The following RBPJ variants were observed in gnomAD, a reference collection of about 807,000 sequenced individuals.
RBPJ encodes recombining binding protein suppressor of hairless.
Under a neutral mutation model 67.8 loss-of-function variants are expected in RBPJ, and 9 were observed. The observed-to-expected ratio is 0.13, with a 90% CI of 0.08 to 0.23. RBPJ has a LOEUF of 0.23. Ranked by LOEUF, RBPJ falls within the 10% of genes least tolerant of loss-of-function variation. The pLI, the probability that RBPJ is intolerant of heterozygous loss-of-function variation, is 1.00. For synonymous variants in RBPJ, 198 were observed against 203.3 expected (o/e 0.97, Z 0.22); for missense variants, 305 against 595.6 (o/e 0.51, Z 5.08).
At chr4:26,378,398 C>G (rs919719684) in intron 1 of RBPJ, among the ~76,000 whole-genome samples, 1 of 152,046 alleles carries the variant, frequency 6.6e-6, no homozygotes, top group African/African-American at 2.4e-5. Context: ...TCATTTAAGG[C>G]TTTCATATGA....
intron 1 of RBPJ, among the ~76,000 whole-genome samples, chr4:26,277,274 CAA>C (rs754017128): frequency 2.8e-4 from 32 of 113,256 alleles, no homozygotes; most frequent in Admixed American, 2.8e-4. Flanking sequence ...CCTGTTTGTT[CAA>C]AAAAAAAAAA....
intron 1 of RBPJ, among the ~76,000 whole-genome samples, chr4:26,306,756 A>G (rs1026355511): frequency 6.6e-6 from 1 of 151,952 alleles, no homozygotes; most frequent in Non-Finnish European, 1.5e-5. Context: ...GCTGAGAATT[A>G]TTTTTTAATT....
chr4:26,161,644 T>A (rs1271913354), upstream of RBPJ, among the ~76,000 whole-genome samples: 9 of 152,134 alleles, frequency 5.9e-5, no homozygotes, highest in African/African-American at 1.7e-4. Flanking sequence ...CAGAAGTAGG[T>A]CACACAGAGG....
chr4:26,143,326 T>C, the RBPJ span, among the ~76,000 whole-genome samples: 3 of 152,280 alleles, frequency 2.0e-5, no homozygotes, highest in African/African-American at 7.2e-5. Flanking sequence ...GCCAAGGAAA[T>C]CTTCTTAACA....
chr4:26,256,091 T>G (rs1720334471), intron 1 of RBPJ, among the ~76,000 whole-genome samples: 2 of 152,180 alleles, frequency 1.3e-5, no homozygotes. Context: ...TTAAACCAGT[T>G]GGAGATATTT....
the RBPJ span, among the ~76,000 whole-genome samples, chr4:26,120,517 A>G: frequency 1.0e-3 from 154 of 152,274 alleles, no homozygotes; most frequent in African/African-American, 3.6e-3. Flanking sequence ...AGTGAAATGC[A>G]TACATTCTCA....
At chr4:26,376,447 CAT>C (rs368779388) in intron 1 of RBPJ, among the ~76,000 whole-genome samples, 14 of 152,322 alleles carry the variant, frequency 9.2e-5, no homozygotes, top group African/African-American at 2.6e-4. Flanking sequence ...TGTGTTGTAA[CAT>C]ATCAGAATTT....
chr4:26,146,456 G>A, the RBPJ span, among the ~76,000 whole-genome samples: 1 of 152,124 alleles, frequency 6.6e-6, no homozygotes, highest in Non-Finnish European at 1.5e-5. Flanking sequence ...GTCAGTACAG[G>A]AGAAAATCTT....
upstream of RBPJ, among the ~76,000 whole-genome samples, chr4:26,318,910 T>C (rs1722760546): frequency 7.1e-6 from 1 of 140,334 alleles, no homozygotes; most frequent in South Asian, 2.2e-4. Flanking sequence ...GGCAGGAGAA[T>C]GGCGTGAATC....
At chr4:26,278,506 T>A (rs192046116) in intron 1 of RBPJ, among the ~76,000 whole-genome samples, 3 of 152,340 alleles carry the variant, frequency 2.0e-5, no homozygotes, top group Admixed American at 2.0e-4. Flanking sequence ...ATGTGCATAT[T>A]CAAAACAAGA....
At chr4:26,347,699 TGGAATAGGCTC>T (rs1258039065) in intron 1 of RBPJ, among the ~76,000 whole-genome samples, 2 of 152,146 alleles carry the variant, frequency 1.3e-5, no homozygotes, top group Non-Finnish European at 2.9e-5. Context: ...GCTTTGAAGA[TGGAATAGGCTC>T]GATAGGTTTA....
intron 1 of RBPJ, among the ~76,000 whole-genome samples, chr4:26,312,840 T>A (rs1722479195): frequency 6.6e-6 from 1 of 152,250 alleles, no homozygotes; most frequent in Non-Finnish European, 1.5e-5. Flanking sequence ...GTAGGTAATC[T>A]AAACATGCTG....
At chr4:26,145,032 T>C in the RBPJ span, among the ~76,000 whole-genome samples, 204 of 149,706 alleles carry the variant, frequency 1.4e-3, no homozygotes, top group Non-Finnish European at 1.3e-3. Flanking sequence ...CTTCTTCTTT[T>C]TTTTTTTTTT....
At chr4:26,376,806 T>G (rs1396763390) in intron 1 of RBPJ, among the ~76,000 whole-genome samples, 2 of 152,196 alleles carry the variant, frequency 1.3e-5, no homozygotes, top group African/African-American at 4.8e-5. Context: ...TTTATTGTTA[T>G]TGTTGTTTTT....
chr4:26,405,261 A>G (rs928160649), intron 2 of RBPJ, among the ~76,000 whole-genome samples: 11 of 152,186 alleles, frequency 7.2e-5, no homozygotes, highest in Non-Finnish European at 1.0e-4. Context: ...CTCACATTTA[A>G]TAACGTATTA....
intron 1 of RBPJ, among the ~76,000 whole-genome samples, chr4:26,198,059 A>C (rs1361064247): frequency 6.6e-6 from 1 of 152,032 alleles, no homozygotes; most frequent in East Asian, 1.9e-4. Flanking sequence ...GGAGTTCGAG[A>C]CCAGCCTCAA....
chr4:26,220,314 C>T (rs973728410), intron 1 of RBPJ, among the ~76,000 whole-genome samples: 8 of 152,152 alleles, frequency 5.3e-5, no homozygotes, highest in African/African-American at 1.9e-4. Context: ...TGCCTGATTG[C>T]ACCTCAAAAA....
At chr4:26,355,916 C>T (rs1460990404) in intron 1 of RBPJ, among the ~76,000 whole-genome samples, 3 of 152,180 alleles carry the variant, frequency 2.0e-5, no homozygotes, top group Non-Finnish European at 2.9e-5. Context: ...GAAGGGATTT[C>T]TTCTTCCACC....
chr4:26,244,461 GTA>G lies in RBPJ; in HGVS notation c.-167+80853_-167+80854del, dbSNP rs1339876073. Among the ~76,000 whole-genome samples, 2 of 133,554 alleles carry G rather than the reference GTA, an allele frequency of 1.5e-5. 1 individual carries two copies. Among genetic ancestry groups the G allele is most frequent in the Non-Finnish European group, 3.2e-5 (2 of 61,802 alleles). The allele number at this position is 133,554 out of a possible 152,430, so 87.6% of individuals were successfully genotyped here. A position where few individuals can be genotyped will look rare whatever the true frequency, so the allele number is the denominator to read the frequency against. On this transcript the variant is annotated intron_variant, in intron 1 of 4. Transcript: ENST00000512351. ...CATATGTGTGTATACATATATGTGT[GTA>G]TATATGTATACATATGTGTGTATAC...
Sources: gnomAD v4.1 joint callset for allele counts (sites outside exome capture counted in the v4.1 genomes callset) on GRCh38, gnomAD v4.1.1 for gene constraint, MANE v1.5 for transcripts, NCBI Gene and HGNC (gene_info 2026-07-23, HGNC 2026-07-21) for gene names.